Variants in ATRX observed in about 807,000 individuals in gnomAD.
ATRX encodes the protein chromatin remodeler ATRX.
Under a neutral mutation model 172.6 loss-of-function variants are expected in ATRX, and 12 were observed. The ratio of observed to expected loss-of-function variants is 0.07; its 90% CI spans 0.04 to 0.11. ATRX has a LOEUF of 0.11. Ranked by LOEUF, ATRX falls within the 10% of genes least tolerant of loss-of-function variation. The pLI is 1.00. For synonymous variants in ATRX, 674 were observed against 594.7 expected (o/e 1.13, Z -1.94); for missense variants, 1,368 against 1,767.4 (o/e 0.77, Z 4.05).
At chrX:77,689,136 T>C (rs1557145727) in intron 6 of ATRX, among the ~76,000 whole-genome samples, 2 of 112,298 alleles carry the variant, frequency 1.8e-5, no homozygotes, top group Non-Finnish European at 3.8e-5. Context: ...CAAATCCTAA[T>C]TGTTTCCTTT....
chrX:77,685,913 A>ATT (rs1276041683), intron 7 of ATRX, among the ~76,000 whole-genome samples: 6 of 112,356 alleles, frequency 5.3e-5, no homozygotes, highest in African/African-American at 9.7e-5. Flanking sequence ...ACTGGAGATC[A>ATT]TTATGTTAAG....
At chrX:77,664,606 C>T (rs2070132483) in intron 11 of ATRX, 39 bp downstream of exon 11, 1 of 1,200,772 alleles carries the variant, frequency 8.3e-7, no homozygotes, top group Admixed American at 2.2e-5. Flanking sequence ...GTCAAGGAAT[C>T]AAATTATGAC....
At chrX:77,579,710 A>G (rs113885257) in intron 27 of ATRX, among the ~76,000 whole-genome samples, 6,998 of 111,436 alleles carry the variant, frequency 0.063, 228 homozygotes, top group African/African-American at 0.12. Flanking sequence ...ACAAGCCCAG[A>G]CTGCAAAGAC....
chrX:77,751,953 G>A (rs2075318075), intron 1 of ATRX, among the ~76,000 whole-genome samples: 1 of 111,661 alleles, frequency 9.0e-6, no homozygotes, highest in Non-Finnish European at 1.9e-5. Flanking sequence ...GTAGCAGGAT[G>A]CCTCCAGCTT....
At chrX:77,635,347 C>T (rs1459106505) in intron 16 of ATRX, among the ~76,000 whole-genome samples, 2 of 111,143 alleles carry the variant, frequency 1.8e-5, no homozygotes, top group African/African-American at 6.5e-5. Flanking sequence ...AGAATGGCTT[C>T]CTATCAAAAA....
chrX:77,697,557 T>G, intron 4 of ATRX, 26 bp downstream of exon 4: 1 of 1,203,755 alleles, frequency 8.3e-7, no homozygotes, highest in Non-Finnish European at 1.1e-6. Context: ...AGAAAATAAC[T>G]TTTTGTCCCT....
At chrX:77,662,768 C>T (rs1189187278) in intron 12 of ATRX, among the ~76,000 whole-genome samples, 1 of 111,389 alleles carries the variant, frequency 9.0e-6, no homozygotes, top group Non-Finnish European at 1.9e-5. Context: ...TCTCAGCTCA[C>T]TGCTGCAACC....
rs201926888 is a variant in ATRX, at chrX:77,717,108, T to C, written c.133+23A>G. ...AAAATAGAAAAAAGACTAGAAGGTA[T>C]AGCACATTCTTTTTCAATTTACCTG... On this transcript the variant is annotated intron_variant, in intron 2 of 34. Transcript: ENST00000373344. The C allele has an allele frequency of 1.7e-4, 195 of 1,118,214 alleles. 1 individual carries two copies. In the East Asian group the frequency reaches 5.7e-3, roughly 33 times the overall value. 92.2% of individuals were successfully genotyped at this position (1,118,214 alleles called of 1,213,427 possible).
rs569397881 is a variant in ATRX, at chrX:77,505,702, A to G, written c.*2649T>C. ...ATTTTCAAAGCTGTGAAAATACAAT[A>G]AAGAGCACAACACATTTTGGTCACT... On this transcript the variant is annotated 3_prime_UTR_variant, in exon 35 of 35. Coordinates refer to ENST00000373344, the MANE Select transcript of ATRX (RefSeq NM_000489.6). 3 of 172,720 alleles carry G rather than the reference A, an allele frequency of 1.7e-5. No individual in the cohort carries two copies. The highest frequency in any genetic ancestry group is 8.8e-5 in the African/African-American group (3 of 33,990). The allele number at this position is 172,720 out of a possible 1,213,427, so 14.2% of individuals were successfully genotyped here. A position where few individuals can be genotyped will look rare whatever the true frequency, so the allele number is the denominator to read the frequency against.
At chrX:77,588,989 G>A (rs1274947705) in intron 27 of ATRX, among the ~76,000 whole-genome samples, 1 of 112,494 alleles carries the variant, frequency 8.9e-6, no homozygotes, top group Admixed American at 9.4e-5. Context: ...TGACAAGAAT[G>A]TGGAGAAACT....
rs782533736 is a variant in ATRX, at chrX:77,652,188, T to A, written c.4483A>T (p.Asn1495Tyr). Residue 1495 changes from asparagine (N) to tyrosine (Y), a missense_variant, in exon 15 of 35, where the codon AAT (asparagine) becomes TAT (tyrosine). Physicochemically the swap from Asn to Tyr is moderately radical, Grantham distance 143 (BLOSUM62 -2). This residue lies in a region of ATRX where 27 missense variants were observed against 110.8 expected (regional missense o/e 0.24). Coordinates refer to ENST00000373344, the MANE Select transcript of ATRX (RefSeq NM_000489.6). The part of the protein sequence containing the change: ...KDDKLRTETQ[N>Y]ALKEEEERRK... Reference sequence around the variant, plus strand: ...CTCTCTTCCTCTTCCTTAAGAGCATTTTGTGTTTCTGTTCTCAGTTTATCA... The same window carrying A: ...CTCTCTTCCTCTTCCTTAAGAGCATATTGTGTTTCTGTTCTCAGTTTATCA... The A allele has an allele frequency of 5.8e-6, 7 of 1,211,297 alleles. No homozygotes were observed. Among genetic ancestry groups the A allele is most frequent in the Non-Finnish European group, 7.8e-6 (7 of 895,411 alleles).
chrX:77,621,828 G>A (rs782012410), intron 19 of ATRX, among the ~76,000 whole-genome samples: 41 of 110,332 alleles, frequency 3.7e-4, no homozygotes, highest in African/African-American at 1.3e-3. Flanking sequence ...TTCAGTTGGG[G>A]CTACACAAAT....
intron 1 of ATRX, among the ~76,000 whole-genome samples, chrX:77,723,550 G>A (rs1276480123): frequency 1.8e-5 from 2 of 111,193 alleles, no homozygotes; most frequent in African/African-American, 6.5e-5. Flanking sequence ...TAGAATAAAG[G>A]TACCAAGTGG....
At chrX:77,674,306 C>T (rs1279317883) in intron 10 of ATRX, 2 of 111,427 alleles carry the variant, frequency 1.8e-5, no homozygotes, top group African/African-American at 3.2e-5. Flanking sequence ...ATCATGACTA[C>T]ATAACCCATG....
rs781969127 is a variant in ATRX, at chrX:77,664,797, TA to T, written c.3810-20del. 44 of 1,178,914 alleles carry T rather than the reference TA, an allele frequency of 3.7e-5. No homozygotes were observed. Among genetic ancestry groups the T allele is most frequent in the Non-Finnish European group, 4.8e-5 (42 of 874,455 alleles). On this transcript the variant is annotated intron_variant, in intron 10 of 34. Coordinates refer to ENST00000373344, the MANE Select transcript of ATRX (RefSeq NM_000489.6). ...GGCAATTCTTGAGAGTAAAAAACAA[TA>T]AAAAAAGAACTATATATCTGGGGGT...
intron 1 of ATRX, among the ~76,000 whole-genome samples, chrX:77,745,181 A>G (rs1557184226): frequency 9.4e-6 from 1 of 106,516 alleles, no homozygotes; most frequent in Non-Finnish European, 1.9e-5. Flanking sequence ...ATGAAAAAAA[A>G]AAAAAAAAAA....
intron 1 of ATRX, among the ~76,000 whole-genome samples, chrX:77,745,890 CATAA>C (rs1367159688): frequency 6.3e-5 from 7 of 111,307 alleles, no homozygotes; most frequent in East Asian, 2.8e-4. Flanking sequence ...TCATGTACCC[CATAA>C]ATAAATATAC....
intron 2 of ATRX, among the ~76,000 whole-genome samples, chrX:77,703,796 G>C (rs1202160866): frequency 8.9e-6 from 1 of 111,887 alleles, no homozygotes; most frequent in African/African-American, 3.2e-5. Context: ...TTGAGCAATA[G>C]AACAGCTCAG....
intron 1 of ATRX, among the ~76,000 whole-genome samples, chrX:77,754,169 T>G (rs1470742518): frequency 2.7e-5 from 3 of 111,471 alleles, no homozygotes. Flanking sequence ...CCCCTTTTTT[T>G]TTTGTTTTTT....
Sources: gnomAD v4.1 joint callset for allele counts (sites outside exome capture counted in the v4.1 genomes callset) on GRCh38, gnomAD v4.1.1 for gene constraint, gnomAD v4.1.1 regional missense constraint, MANE v1.5 for transcripts, NCBI Gene and HGNC (gene_info 2026-07-23, HGNC 2026-07-21) for gene names.